NDNF: variants seen among roughly 807,000 people sequenced by gnomAD.
NDNF encodes protein NDNF.
In NDNF, 16 loss-of-function variants were observed where a neutral mutation model predicts 42.0. The ratio of observed to expected loss-of-function variants is 0.38; its 90% CI spans 0.26 to 0.58. NDNF has a LOEUF of 0.58. NDNF is among the 20% of genes least tolerant of loss of function. NDNF has a pLI of 0.67. For missense variants in NDNF, 616 were observed against 666.2 expected (o/e 0.92, Z 0.83); for synonymous variants, 248 against 251.7 (o/e 0.99, Z 0.14).
intron 1 of NDNF, among the ~76,000 whole-genome samples, chr4:121,054,146 A>G (rs1400813358): frequency 6.6e-6 from 1 of 152,212 alleles, no homozygotes; most frequent in Non-Finnish European, 1.5e-5. Flanking sequence ...AAACCTAAAT[A>G]TGGCCAAAAG....
At chr4:121,043,846 A>C (rs1727044993) in intron 2 of NDNF, among the ~76,000 whole-genome samples, 2 of 152,224 alleles carry the variant, frequency 1.3e-5, no homozygotes, top group South Asian at 4.1e-4. Flanking sequence ...GGACAAAATA[A>C]TATGAAAAGC....
intron 1 of NDNF, among the ~76,000 whole-genome samples, chr4:121,064,967 C>T (rs1458735151): frequency 1.3e-5 from 2 of 151,964 alleles, no homozygotes; most frequent in Admixed American, 6.6e-5. Flanking sequence ...GTATGTTGCC[C>T]AGGCTGGACC....
At chr4:121,038,239 C>T (rs1488815953) in intron 3 of NDNF, 4 of 152,328 alleles carry the variant, frequency 2.6e-5, no homozygotes, top group Non-Finnish European at 5.9e-5. Flanking sequence ...CTTGTAGTCC[C>T]AGGTACTTGG....
rs994851514 is a variant in NDNF, at chr4:121,045,765, G to A, written c.73C>T (p.Arg25Trp). ...LSSRTQKLPT[R>W]DEELFQMQIR... ...TGCATCTGAAAAAGTTCCTCATCCC[G>A]GGTGGGTAACTTCTGGGTCCTTGAG... The change falls in exon 2 of 4, where the codon CGG becomes TGG. Residue 25 changes from arginine (R) to tryptophan (W), a missense_variant. Physicochemically the swap from Arg to Trp is moderately radical, Grantham distance 101. Coordinates refer to ENST00000379692, the MANE Select transcript of NDNF (RefSeq NM_024574.4). The A allele has an allele frequency of 1.9e-6, 3 of 1,614,010 alleles. No homozygotes were observed. Among genetic ancestry groups the A allele is most frequent in the African/African-American group, 1.3e-5 (1 of 74,904 alleles).
chr4:121,051,435 A>T (rs1727192681), intron 1 of NDNF, among the ~76,000 whole-genome samples: 1 of 152,170 alleles, frequency 6.6e-6, no homozygotes, highest in Admixed American at 6.5e-5. Context: ...CTGACCTGGC[A>T]TATCTTTTTC....
chr4:121,040,151 ATTTTATAAAT>A, intron 2 of NDNF, 97 bp from the exon 3 acceptor site: 1 of 945,270 alleles, frequency 1.1e-6, no homozygotes, highest in Non-Finnish European at 1.5e-6. Context: ...TTTTTTTTTC[ATTTTATAAAT>A]TTTATAAAAT....
intron 1 of NDNF, among the ~76,000 whole-genome samples, chr4:121,053,317 C>T (rs1420073644): frequency 1.3e-5 from 2 of 152,210 alleles, no homozygotes. Context: ...CTGTCATGCG[C>T]TCCCTCTGAG....
At chr4:121,038,476 T>C (rs936168732) in intron 3 of NDNF, among the ~76,000 whole-genome samples, 12 of 152,166 alleles carry the variant, frequency 7.9e-5, no homozygotes, top group Non-Finnish European at 1.3e-4. Flanking sequence ...GGAATAGTGG[T>C]AAAGCTAAAC....
At chr4:121,062,172 A>G (rs1403737767) in intron 1 of NDNF, among the ~76,000 whole-genome samples, 4 of 152,228 alleles carry the variant, frequency 2.6e-5, no homozygotes, top group Admixed American at 2.6e-4. Flanking sequence ...ACCTTATTCA[A>G]TTAGAGACTG....
At position 121,036,355 on chromosome 4, in the gene NDNF, T is replaced by C; in HGVS notation, c.1616A>G (p.Lys539Arg). 2 of 1,614,172 alleles carry C rather than the reference T, an allele frequency of 1.2e-6. No homozygotes were observed. The highest frequency in any genetic ancestry group is 2.2e-5 in the East Asian group (1 of 44,878). ...TETIKGLQPG[K>R]SYLLDVYVIG... ...GACATAAACATCCAGCAGGTAAGAT[T>C]TGCCAGGCTGAAGACCTTTAATTGT... The change falls in exon 4 of 4, where the codon AAA becomes AGA. Residue 539 changes from lysine (K) to arginine (R), a missense_variant. Coordinates refer to ENST00000379692, the MANE Select transcript of NDNF (RefSeq NM_024574.4).
intron 1 of NDNF, among the ~76,000 whole-genome samples, chr4:121,068,474 A>G (rs115282898): frequency 3.7e-3 from 559 of 152,326 alleles, no homozygotes; most frequent in Non-Finnish European, 6.5e-3. Flanking sequence ...TCTTTAGAAT[A>G]ATCATTCTAA....
At position 121,035,788 on chromosome 4, in the gene NDNF, A is replaced by G. The variant is rs572496459; in HGVS notation, c.*476T>C. 7.2e-5 allele frequency: 11 copies of G among 152,908 alleles called. No individual in the cohort carries two copies. The highest frequency in any genetic ancestry group is 2.6e-4 in the African/African-American group (11 of 41,566). 9.5% of individuals were successfully genotyped at this position (152,908 alleles called of 1,614,324 possible). A position where few individuals can be genotyped will look rare whatever the true frequency, so the allele number is the denominator to read the frequency against. On this transcript the variant is annotated 3_prime_UTR_variant, in exon 4 of 4. Transcript: ENST00000379692. Reference sequence around the variant, plus strand: ...GGGCTATCAACTTAATAATACTTAGATTAGATCTGTACTTTAATAGGAAAA... The same window carrying G: ...GGGCTATCAACTTAATAATACTTAGGTTAGATCTGTACTTTAATAGGAAAA...
At chr4:121,045,183 T>C (rs1246949877) in intron 2 of NDNF, among the ~76,000 whole-genome samples, 2 of 152,118 alleles carry the variant, frequency 1.3e-5, no homozygotes, top group Admixed American at 1.3e-4. Context: ...AAACCCCGTC[T>C]CTATTAAAAA....
rs1239037791 is a variant in NDNF, at chr4:121,037,297, C to T, written c.674G>A (p.Cys225Tyr). 9 of 1,614,112 alleles carry T rather than the reference C, an allele frequency of 5.6e-6. No individual in the cohort carries two copies. The highest frequency in any genetic ancestry group is 7.6e-6 in the Non-Finnish European group (9 of 1,180,016). Residue 225 changes from cysteine to tyrosine, a missense_variant, in exon 4 of 4, where the codon TGT becomes TAT. By Grantham distance (194) the Cys-to-Tyr change is radical (BLOSUM62 -2). Transcript: ENST00000379692. ...INKEHNFKSL[C>Y]AVEAKLSADD... ...TGCACTCAGTTTTGCTTCCACTGCACAGAGACTTTTGAAATTGTGCTCTTT... is the reference window on the plus strand; with the variant it reads ...TGCACTCAGTTTTGCTTCCACTGCATAGAGACTTTTGAAATTGTGCTCTTT...
chr4:121,048,540 T>C, intron 1 of NDNF, among the ~76,000 whole-genome samples: 1 of 152,198 alleles, frequency 6.6e-6, no homozygotes, highest in South Asian at 2.1e-4. Flanking sequence ...AATCAGATAC[T>C]TATAAAAAAT....
At chr4:121,039,857 G>A in intron 3 of NDNF, 73 bp downstream of exon 3, 1 of 1,520,540 alleles carries the variant, frequency 6.6e-7, no homozygotes. Flanking sequence ...CTAACACATA[G>A]AAGGTTGTAT....
chr4:121,049,644 G>A (rs1377929451), intron 1 of NDNF, among the ~76,000 whole-genome samples: 1 of 152,100 alleles, frequency 6.6e-6, no homozygotes, highest in Admixed American at 6.5e-5. Context: ...TTGACACTAA[G>A]CTTCTATTTA....
At position 121,053,569 on chromosome 4, in the gene NDNF, G is replaced by T. The variant is rs575283615; in HGVS notation, c.-1-7731C>A. Among the ~76,000 whole-genome samples, 13 of 152,294 alleles carry T rather than the reference G, an allele frequency of 8.5e-5. No individual in the cohort carries two copies. In the South Asian group the frequency reaches 2.7e-3, roughly 32 times the overall value. ...GCCAGACCCATTTTAGTAAAGAAAG[G>T]AGTAGAACTCTTAAAATGTATCAGA... On this transcript the variant is annotated intron_variant, in intron 1 of 3. Coordinates refer to ENST00000379692, the MANE Select transcript of NDNF (RefSeq NM_024574.4).
Position 121,036,584 on chromosome 4 carries a change from A to C in NDNF, c.1387T>G (p.Ser463Ala). Residue 463 changes from serine to alanine, a missense_variant, in exon 4 of 4, where the codon TCC (serine) becomes GCC (alanine). By Grantham distance (99) the Ser-to-Ala change is moderately conservative. Transcript: ENST00000379692. ...CCTAGCCAAGCCACGGTGGCTGAGG[A>C]ACAGGTACGGAGCTTGTCAAAGGCT... ...IKAFDKLRTC[S>A]SATVAWLGTQ... 1 of 1,614,126 alleles carries C rather than the reference A, an allele frequency of 6.2e-7. No homozygotes were observed. Among genetic ancestry groups the C allele is most frequent in the Non-Finnish European group, 8.5e-7 (1 of 1,179,980 alleles).
Sources: gnomAD v4.1 joint callset for allele counts (sites outside exome capture counted in the v4.1 genomes callset) on GRCh38, gnomAD v4.1.1 for gene constraint, MANE v1.5 for transcripts, NCBI Gene and HGNC (gene_info 2026-07-23, HGNC 2026-07-21) for gene names.